The following ITGA9 variants were observed in gnomAD, a reference collection of about 807,000 sequenced individuals.
ITGA9 encodes integrin alpha-9.
ITGA9 carries 56 observed loss-of-function variants against 127.8 expected under a neutral mutation model. The ratio of observed to expected loss-of-function variants is 0.44; its 90% confidence interval spans 0.35 to 0.55. The LOEUF is 0.55. ITGA9 is among the 20% of genes least tolerant of loss of function. The probability of loss-of-function intolerance (pLI) is 0.00; values close to 1 mark genes in which losing one functional copy is unlikely to be tolerated. For synonymous variants in ITGA9, 508 were observed against 514.5 expected, an observed-to-expected ratio of 0.99 and a Z score of 0.17; for missense variants, 1,196 against 1,347.1, an observed-to-expected ratio of 0.89 and a Z score of 1.76.
At chr3:37,651,252 T>C (rs748103022) in intron 16 of ITGA9, among the ~76,000 whole-genome samples, 1 of 152,120 alleles carries the variant, frequency 6.6e-6, no homozygotes, top group Non-Finnish European at 1.5e-5. Flanking sequence ...CAGGAAATAG[T>C]AGAGTTCAAG....
chr3:37,499,945 C>T (rs779763717), intron 5 of ITGA9, among the ~76,000 whole-genome samples: 6 of 152,172 alleles, frequency 3.9e-5, no homozygotes, highest in Non-Finnish European at 7.3e-5. Context: ...ATCCCTGCCC[C>T]CAATGTTCCG....
At chr3:37,612,172 C>T (rs1001915778) in intron 15 of ITGA9, among the ~76,000 whole-genome samples, 7 of 152,196 alleles carry the variant, frequency 4.6e-5, no homozygotes, top group African/African-American at 1.7e-4. Flanking sequence ...TCTCATTAGG[C>T]ATTACTAGTA....
chr3:37,628,244 A>G (rs1700196028), intron 15 of ITGA9, among the ~76,000 whole-genome samples: 1 of 152,040 alleles, frequency 6.6e-6, no homozygotes, highest in South Asian at 2.1e-4. Flanking sequence ...CTCCACTTGG[A>G]AGTCCTTGGA....
chr3:37,533,951 G>A (rs1699183921), intron 14 of ITGA9, among the ~76,000 whole-genome samples: 1 of 152,188 alleles, frequency 6.6e-6, no homozygotes, highest in Non-Finnish European at 1.5e-5. Flanking sequence ...TGTTACAGAG[G>A]CTTAGGTTTC....
chr3:37,732,005 T>A (rs2125528226), intron 18 of ITGA9, among the ~76,000 whole-genome samples: 1 of 152,278 alleles, frequency 6.6e-6, no homozygotes, highest in South Asian at 2.1e-4. Context: ...CGCTTGGCAG[T>A]CTTGATTTGC....
At chr3:37,456,285 A>G (rs1432200499) in intron 1 of ITGA9, among the ~76,000 whole-genome samples, 1 of 152,148 alleles carries the variant, frequency 6.6e-6, no homozygotes, top group Non-Finnish European at 1.5e-5. Flanking sequence ...AATAACACCC[A>G]GAGTGTCTGC....
intron 15 of ITGA9, among the ~76,000 whole-genome samples, chr3:37,551,634 C>T (rs1295643521): frequency 2.0e-5 from 3 of 152,202 alleles, no homozygotes; most frequent in Admixed American, 2.0e-4. Flanking sequence ...GCATCCATTC[C>T]TAAGGTCATT....
intron 5 of ITGA9, among the ~76,000 whole-genome samples, chr3:37,498,138 A>T (rs956069797): frequency 6.6e-6 from 1 of 152,196 alleles, no homozygotes; most frequent in Non-Finnish European, 1.5e-5. Flanking sequence ...GAAAGAACCC[A>T]TTGGGAGATA....
intron 17 of ITGA9, among the ~76,000 whole-genome samples, chr3:37,681,001 T>G (rs1340390939): frequency 3.3e-5 from 5 of 152,198 alleles, no homozygotes; most frequent in Non-Finnish European, 7.3e-5. Context: ...TATTTCTCAT[T>G]GCACATGTTA....
At chr3:37,456,659 G>C (rs1246898471) in intron 1 of ITGA9, among the ~76,000 whole-genome samples, 1 of 152,230 alleles carries the variant, frequency 6.6e-6, no homozygotes, top group Non-Finnish European at 1.5e-5. Context: ...CTTAGGCACA[G>C]AGCGAGTGCT....
chr3:37,790,182 TTGA>T (rs1374228560), intron 26 of ITGA9: 8 of 568,410 alleles, frequency 1.4e-5, no homozygotes, highest in Non-Finnish European at 2.4e-5. Context: ...CCTTTGGCTC[TTGA>T]TGTGTTTCAG....
chr3:37,460,884 C>T (rs934448772), intron 1 of ITGA9, among the ~76,000 whole-genome samples: 21 of 152,124 alleles, frequency 1.4e-4, no homozygotes, highest in South Asian at 8.3e-4. Context: ...CCACCGCACC[C>T]GGACTATGTG....
At chr3:37,582,605 T>C (rs1699720106) in intron 15 of ITGA9, among the ~76,000 whole-genome samples, 1 of 152,236 alleles carries the variant, frequency 6.6e-6, no homozygotes, top group African/African-American at 2.4e-5. Context: ...TACTTATTGA[T>C]GGCACATTTG....
At chr3:37,627,096 T>G (rs1358704330) in intron 15 of ITGA9, among the ~76,000 whole-genome samples, 2 of 152,236 alleles carry the variant, frequency 1.3e-5, no homozygotes, top group Non-Finnish European at 2.9e-5. Context: ...CCCCGATATC[T>G]GGAGTTCAAG....
intron 15 of ITGA9, among the ~76,000 whole-genome samples, chr3:37,593,164 C>G (rs1260719536): frequency 6.6e-6 from 1 of 152,188 alleles, no homozygotes; most frequent in Non-Finnish European, 1.5e-5. Flanking sequence ...GCTCAAGTCC[C>G]TGATATAAGG....
At chr3:37,472,184 TG>T in intron 2 of ITGA9, among the ~76,000 whole-genome samples, 1 of 152,364 alleles carries the variant, frequency 6.6e-6, no homozygotes, top group East Asian at 1.9e-4. Context: ...TATAGCTTCT[TG>T]GGCCTCAGTT....
At chr3:37,600,803 C>T (rs1699915950) in intron 15 of ITGA9, among the ~76,000 whole-genome samples, 1 of 152,168 alleles carries the variant, frequency 6.6e-6, no homozygotes, top group South Asian at 2.1e-4. Flanking sequence ...TGCACCCCTT[C>T]CTAGGAGCCC....
intron 17 of ITGA9, among the ~76,000 whole-genome samples, chr3:37,660,323 A>T (rs1700521390): frequency 6.6e-6 from 1 of 152,212 alleles, no homozygotes; most frequent in Admixed American, 6.5e-5. Flanking sequence ...CTTGAGGCAG[A>T]CTGGAAATGC....
intron 23 of ITGA9, among the ~76,000 whole-genome samples, chr3:37,756,044 A>G (rs1481485074): frequency 6.6e-6 from 1 of 152,120 alleles, no homozygotes; most frequent in Non-Finnish European, 1.5e-5. Context: ...TAATCAAAAT[A>G]ATAATTAATG....
Sources: allele counts gnomAD v4.1 joint callset (sites outside exome capture counted in the v4.1 genomes callset), GRCh38; gene constraint gnomAD v4.1.1; transcripts MANE v1.5; gene names NCBI Gene and HGNC (gene_info 2026-07-23, HGNC 2026-07-21).